Variants in LEKR1 observed in about 807,000 individuals in gnomAD.
LEKR1 encodes leucine, glutamate and lysine rich 1.
LEKR1 carries 59 observed loss-of-function variants against 72.4 expected under a neutral mutation model. The ratio of observed to expected loss-of-function variants is 0.82; its 90% CI spans 0.66 to 1.01. The LOEUF (loss-of-function observed/expected upper bound fraction) is 1.01, where lower values mean the gene tolerates loss of function less well. Ranked by LOEUF, LEKR1 falls within the 50% of genes least tolerant of loss-of-function variation. The pLI is 0.00. For synonymous variants in LEKR1, 257 were observed against 263.2 expected (o/e 0.98, Z 0.23); for missense variants, 728 against 759.2 (o/e 0.96, Z 0.48).
Position 157,024,805 on chromosome 3 carries a change from T to C in LEKR1, c.1249T>C (p.Phe417Leu). 6.2e-7 allele frequency: 1 copy of C among 1,611,834 alleles called. No homozygotes were observed. The highest frequency in any genetic ancestry group is 8.5e-7 in the Non-Finnish European group (1 of 1,179,278). ...AKERAQHLVE[F>L]EEQALLFKEE... is the part of the protein sequence containing the mutation. ...GGAAAGGGCCCAACACTTGGTTGAA[T>C]TTGAAGAGCAAGCTCTTCTCTTTAA... The change falls in exon 11 of 13, where the codon TTT becomes CTT. Residue 417 changes from phenylalanine to leucine, a missense_variant. Physicochemically the swap from Phe to Leu is conservative, Grantham distance 22 (BLOSUM62 0). Coordinates refer to ENST00000356539, the MANE Select transcript of LEKR1 (RefSeq NM_001004316.3).
intron 10 of LEKR1, among the ~76,000 whole-genome samples, chr3:157,020,385 G>A (rs1251818219): frequency 4.2e-5 from 6 of 141,792 alleles, no homozygotes; most frequent in South Asian, 2.4e-4. Context: ...CCATTAACTC[G>A]TCATTTAGCA....
Position 156,993,308 on chromosome 3 carries a change from A to G in LEKR1, c.1109+31A>G, listed in dbSNP as rs575146782. The G allele has an allele frequency of 3.5e-6, 5 of 1,433,436 alleles. No individual in the cohort carries two copies. In the African/African-American group the frequency reaches 7.1e-5, roughly 20 times the overall value. 88.8% of individuals were successfully genotyped at this position (1,433,436 alleles called of 1,614,324 possible). ...GTAAACAATAATTTCTTACAAAAACATTTTATGTTTAAGTTAGTATTCCAT... is the reference window on the plus strand; with the variant it reads ...GTAAACAATAATTTCTTACAAAAACGTTTTATGTTTAAGTTAGTATTCCAT... On this transcript the variant is annotated intron_variant, in intron 9 of 12. Transcript: ENST00000356539.
intron 2 of LEKR1, among the ~76,000 whole-genome samples, chr3:156,845,568 T>C (rs934479949): frequency 6.6e-6 from 1 of 152,088 alleles, no homozygotes; most frequent in Non-Finnish European, 1.5e-5. Flanking sequence ...TATCCAATTG[T>C]ACCAGCACCA....
intron 3 of LEKR1, among the ~76,000 whole-genome samples, chr3:156,880,825 G>C (rs1719220286): frequency 6.6e-6 from 1 of 152,134 alleles, no homozygotes; most frequent in South Asian, 2.1e-4. Context: ...CTTCATCCCT[G>C]GGATGCAAGG....
chr3:156,953,763 T>C (rs987465016), intron 6 of LEKR1, among the ~76,000 whole-genome samples: 3 of 151,954 alleles, frequency 2.0e-5, no homozygotes, highest in African/African-American at 4.8e-5. Flanking sequence ...TTATTTAATC[T>C]ATCATTGATG....
intron 6 of LEKR1, among the ~76,000 whole-genome samples, chr3:156,954,931 A>G (rs983639079): frequency 3.3e-5 from 5 of 152,050 alleles, no homozygotes; most frequent in African/African-American, 1.2e-4. Flanking sequence ...CATTGAATCT[A>G]TAAATTACTT....
At chr3:156,865,170 A>T (rs1211712823) in intron 3 of LEKR1, among the ~76,000 whole-genome samples, 3 of 151,982 alleles carry the variant, frequency 2.0e-5, no homozygotes, top group Non-Finnish European at 2.9e-5. Context: ...TAACTTTAGC[A>T]TATGTTACCC....
chr3:157,009,902 A>G (rs1732753424), intron 9 of LEKR1, among the ~76,000 whole-genome samples: 2 of 151,944 alleles, frequency 1.3e-5, no homozygotes, highest in African/African-American at 2.4e-5. Context: ...CATGTTATCT[A>G]TTTCTTCTTT....
At chr3:157,040,827 T>TC (rs1257074932) in intron 12 of LEKR1, among the ~76,000 whole-genome samples, 2 of 152,158 alleles carry the variant, frequency 1.3e-5, no homozygotes, top group African/African-American at 4.8e-5. Flanking sequence ...CCTGGCATGT[T>TC]CCCCCCAAAA....
intron 3 of LEKR1, among the ~76,000 whole-genome samples, chr3:156,883,533 T>G (rs1719714538): frequency 1.3e-5 from 2 of 152,342 alleles, no homozygotes; most frequent in East Asian, 3.9e-4. Context: ...AATCTTATCT[T>G]GAATTGTAGC....
chr3:156,853,138 AATT>A (rs1470087377), intron 3 of LEKR1, 156 bp downstream of exon 3: 35 of 366,570 alleles, frequency 9.5e-5, no homozygotes, highest in African/African-American at 5.7e-4. Context: ...TACTAAATAT[AATT>A]ATTATAGTTT....
At chr3:156,886,804 G>A (rs865914220) in intron 3 of LEKR1, among the ~76,000 whole-genome samples, 8 of 152,182 alleles carry the variant, frequency 5.3e-5, no homozygotes, top group Admixed American at 1.3e-4. Context: ...GCAGTTTGTC[G>A]CAGCGTGCTG....
At chr3:156,894,362 C>T (rs868139652) in intron 3 of LEKR1, among the ~76,000 whole-genome samples, 1 of 152,038 alleles carries the variant, frequency 6.6e-6, no homozygotes, top group African/African-American at 2.4e-5. Context: ...AAGGTGTGTT[C>T]CAAGGGATTC....
At chr3:156,952,925 T>C (rs1234028889) in intron 6 of LEKR1, among the ~76,000 whole-genome samples, 1 of 151,364 alleles carries the variant, frequency 6.6e-6, no homozygotes, top group African/African-American at 2.4e-5. Flanking sequence ...CTTGGAGAGA[T>C]AGAGAGCTCC....
At chr3:157,022,638 G>A (rs1733924162) in intron 10 of LEKR1, among the ~76,000 whole-genome samples, 1 of 152,150 alleles carries the variant, frequency 6.6e-6, no homozygotes, top group Admixed American at 6.6e-5. Flanking sequence ...GAAGAGTGTT[G>A]TTACAAGATT....
At chr3:156,876,057 C>G (rs1408505376) in intron 3 of LEKR1, among the ~76,000 whole-genome samples, 1 of 149,748 alleles carries the variant, frequency 6.7e-6, no homozygotes, top group Non-Finnish European at 1.5e-5. Flanking sequence ...TGTGGCTTGC[C>G]AATTATCGTG....
At chr3:156,940,196 G>A (rs1726078655) in intron 5 of LEKR1, among the ~76,000 whole-genome samples, 1 of 152,028 alleles carries the variant, frequency 6.6e-6, no homozygotes, top group Non-Finnish European at 1.5e-5. Context: ...GAAATTATGG[G>A]GGAAATAGAA....
chr3:156,945,855 CTG>C lies in LEKR1; in HGVS notation c.745+3143_745+3144del, dbSNP rs374059530. Among the ~76,000 whole-genome samples, 83 of 151,554 alleles carry C rather than the reference CTG, an allele frequency of 5.5e-4. 1 individual carries two copies. In the East Asian group the frequency reaches 0.015, roughly 28 times the overall value. ...CCCAGTTGTTTTGTTTACTATAGCT[CTG>C]TAGTATAATTTGAAGTCAGGTAATG... is the stretch of plus-strand genomic sequence containing the variant. On this transcript the variant is annotated intron_variant, in intron 6 of 12. Coordinates refer to ENST00000356539, the MANE Select transcript of LEKR1 (RefSeq NM_001004316.3).
chr3:157,012,877 C>A (rs1733003599), intron 10 of LEKR1, among the ~76,000 whole-genome samples: 2 of 151,988 alleles, frequency 1.3e-5, no homozygotes, highest in South Asian at 2.1e-4. Flanking sequence ...TGCACTTATT[C>A]CCTTTCCTTA....
Sources: gnomAD v4.1 joint callset for allele counts (sites outside exome capture counted in the v4.1 genomes callset) on GRCh38, gnomAD v4.1.1 for gene constraint, MANE v1.5 for transcripts, NCBI Gene and HGNC (gene_info 2026-07-23, HGNC 2026-07-21) for gene names.